The following RPSA2 variants were observed in gnomAD, a reference collection of about 807,000 sequenced individuals.
RPSA2 encodes the protein small ribosomal subunit protein uS2B.
the RPSA2 span, among the ~76,000 whole-genome samples, chr19:23,766,700 C>T: frequency 1.3e-5 from 2 of 151,556 alleles, no homozygotes; most frequent in East Asian, 2.0e-4. Flanking sequence ...GTGATCCGCC[C>T]GCCTCGGCCT....
the RPSA2 span, among the ~76,000 whole-genome samples, chr19:23,864,853 C>G: frequency 6.6e-6 from 1 of 151,698 alleles, no homozygotes; most frequent in Non-Finnish European, 1.5e-5. Context: ...TCATGCAGGC[C>G]TGCACTAAGT....
chr19:23,825,929 A>C, the RPSA2 span, among the ~76,000 whole-genome samples: 1 of 151,646 alleles, frequency 6.6e-6, no homozygotes, highest in South Asian at 2.1e-4. Flanking sequence ...TTATTTGTAA[A>C]TCTATATGAT....
chr19:23,788,558 G>T, the RPSA2 span, among the ~76,000 whole-genome samples: 1 of 152,018 alleles, frequency 6.6e-6, no homozygotes. Context: ...TGTCTTCTAC[G>T]TAAGCCCTGA....
the RPSA2 span, among the ~76,000 whole-genome samples, chr19:23,792,997 T>A: frequency 6.6e-6 from 1 of 152,138 alleles, no homozygotes; most frequent in South Asian, 2.1e-4. Context: ...AATGGGGTTG[T>A]ATGGTGGCTC....
chr19:23,857,366 A>T, the RPSA2 span, among the ~76,000 whole-genome samples: 11 of 152,068 alleles, frequency 7.2e-5, no homozygotes, highest in Admixed American at 6.6e-4. Context: ...TATCCATGAA[A>T]TCTTCACAAT....
the RPSA2 span, chr19:23,826,951 A>G: frequency 2.5e-5 from 14 of 559,158 alleles, no homozygotes; most frequent in Non-Finnish European, 4.5e-5. Context: ...TGGCCTCCCA[A>G]AGTGCTGGGA....
chr19:23,848,218 C>T, the RPSA2 span, among the ~76,000 whole-genome samples: 2 of 152,168 alleles, frequency 1.3e-5, no homozygotes, highest in African/African-American at 4.8e-5. Flanking sequence ...GAAATCTTCA[C>T]AATTTATGTT....
At chr19:23,772,578 A>G in the RPSA2 span, among the ~76,000 whole-genome samples, 7 of 152,150 alleles carry the variant, frequency 4.6e-5, no homozygotes, top group African/African-American at 1.2e-4. Context: ...AAGAATTGCC[A>G]CCCTCCCACA....
the RPSA2 span, among the ~76,000 whole-genome samples, chr19:23,823,084 A>T: frequency 6.6e-6 from 1 of 152,164 alleles, no homozygotes; most frequent in African/African-American, 2.4e-5. Context: ...TTGTTTCCTT[A>T]TCTACATTTC....
chr19:23,832,857 T>G, the RPSA2 span: 1 of 1,580,840 alleles, frequency 6.3e-7, no homozygotes, highest in Non-Finnish European at 8.6e-7. Flanking sequence ...TTACTACACA[T>G]AAGAGAATTC....
chr19:23,823,261 C>T, the RPSA2 span, among the ~76,000 whole-genome samples: 1 of 152,234 alleles, frequency 6.6e-6, no homozygotes, highest in Non-Finnish European at 1.5e-5. Context: ...ATTTCCTCCC[C>T]AATACAGCAC....
the RPSA2 span, among the ~76,000 whole-genome samples, chr19:23,868,201 T>C: frequency 6.6e-6 from 1 of 152,172 alleles, no homozygotes; most frequent in Admixed American, 6.5e-5. Flanking sequence ...TAGTAATAGA[T>C]CTTAAAGATT....
chr19:23,784,046 C>T, the RPSA2 span, among the ~76,000 whole-genome samples: 1 of 152,186 alleles, frequency 6.6e-6, no homozygotes, highest in African/African-American at 2.4e-5. Flanking sequence ...TGTTTGTTCT[C>T]TACCCACAGG....
the RPSA2 span, among the ~76,000 whole-genome samples, chr19:23,828,726 ATGT>A: frequency 2.0e-5 from 3 of 151,736 alleles, no homozygotes; most frequent in Non-Finnish European, 4.4e-5. Context: ...GTGTATTCTG[ATGT>A]TGTTGAGGAG....
chr19:23,839,450 C>T, the RPSA2 span, among the ~76,000 whole-genome samples: 1 of 152,164 alleles, frequency 6.6e-6, no homozygotes, highest in East Asian at 1.9e-4. Flanking sequence ...GTCTCACACC[C>T]ACTGCACCCC....
the RPSA2 span, among the ~76,000 whole-genome samples, chr19:23,865,931 T>C: frequency 1.8e-4 from 28 of 152,306 alleles, no homozygotes; most frequent in Non-Finnish European, 3.2e-4. Flanking sequence ...GCCTTCCACC[T>C]TTTGATGAAA....
chr19:23,851,230 A>T, the RPSA2 span, among the ~76,000 whole-genome samples: 1 of 152,218 alleles, frequency 6.6e-6, no homozygotes, highest in African/African-American at 2.4e-5. Flanking sequence ...GCCCTCTGGG[A>T]TTAATACCAG....
chr19:23,859,865 T>C, the RPSA2 span, among the ~76,000 whole-genome samples: 2 of 152,180 alleles, frequency 1.3e-5, no homozygotes, highest in Non-Finnish European at 2.9e-5. Context: ...TACTAATTAG[T>C]AAAACCCTGT....
chr19:23,759,760 G>T, the RPSA2 span, among the ~76,000 whole-genome samples: 1 of 151,870 alleles, frequency 6.6e-6, no homozygotes, highest in Non-Finnish European at 1.5e-5. Context: ...CTGACCTCGT[G>T]ATTGGCCCGC....
Sources: allele counts gnomAD v4.1 joint callset (sites outside exome capture counted in the v4.1 genomes callset), GRCh38; gene constraint gnomAD v4.1.1; transcripts MANE v1.5; gene names NCBI Gene and HGNC (gene_info 2026-07-23, HGNC 2026-07-21).